The following PAK3 variants were observed in gnomAD, a reference collection of about 807,000 sequenced individuals.
PAK3 encodes serine/threonine-protein kinase PAK 3.
In PAK3, 4 loss-of-function variants were observed where a neutral mutation model predicts 41.0. That is an observed-to-expected ratio of 0.10 (90% CI 0.05 to 0.22). PAK3 has a LOEUF of 0.22. Ranked by LOEUF, PAK3 falls within the 10% of genes least tolerant of loss-of-function variation. PAK3 has a pLI of 1.00. For synonymous variants in PAK3, 146 were observed against 139.6 expected, an observed-to-expected ratio of 1.05 and a Z score of -0.32; for missense variants, 205 against 409.9, an observed-to-expected ratio of 0.50 and a Z score of 4.32.
intron 1 of PAK3, among the ~76,000 whole-genome samples, chrX:111,007,160 C>A (rs1020461806): frequency 9.1e-6 from 1 of 110,278 alleles, no homozygotes; most frequent in Non-Finnish European, 1.9e-5. Flanking sequence ...AAGAAAAATT[C>A]TCTAAGTGGA....
chrX:111,193,788 C>CA (rs763041862), intron 13 of PAK3, among the ~76,000 whole-genome samples: 128 of 109,177 alleles, frequency 1.2e-3, no homozygotes, highest in African/African-American at 1.4e-3. Context: ...CAAAAAAAAA[C>CA]AAAAAAAACA....
chrX:111,121,464 A>G (rs1016859879), intron 4 of PAK3, among the ~76,000 whole-genome samples: 1 of 112,055 alleles, frequency 8.9e-6, no homozygotes, highest in East Asian at 2.8e-4. Context: ...AAAATTTTTA[A>G]AATTCTCTAC....
intron 1 of PAK3, among the ~76,000 whole-genome samples, chrX:110,974,707 C>G (rs1007322154): frequency 1.8e-5 from 2 of 111,745 alleles, no homozygotes; most frequent in African/African-American, 6.5e-5. Flanking sequence ...TGCGAAAATC[C>G]TCAATAAAAT....
chrX:111,195,904 C>A lies in PAK3; in HGVS notation c.1173C>A (p.Asp391Glu). ...NQVIHRDIKS[D>E]NILLGMDGSV... Reference sequence around the variant, plus strand: ...TGATCCATAGAGATATAAAGAGTGACAATATTCTTCTCGGGATGGATGGCT... The same window carrying A: ...TGATCCATAGAGATATAAAGAGTGAAAATATTCTTCTCGGGATGGATGGCT... Residue 391 changes from aspartate to glutamate, a missense_variant, in exon 15 of 18, where the codon GAC (aspartate) becomes GAA (glutamate). Around this residue, in one of 5 missense-constraint regions of PAK3, gnomAD observed 42 missense variants for 152.7 expected, o/e 0.28. Coordinates refer to ENST00000372007, the MANE Select transcript of PAK3 (RefSeq NM_002578.5). The A allele has an allele frequency of 8.5e-7, 1 of 1,176,918 alleles. No individual in the cohort carries two copies.
At chrX:111,116,725 A>G (rs1450973205) in intron 4 of PAK3, among the ~76,000 whole-genome samples, 1 of 112,159 alleles carries the variant, frequency 8.9e-6, no homozygotes, top group Non-Finnish European at 1.9e-5. Context: ...AGACAACAAT[A>G]CTACAGCAGA....
rs138872437 is a variant in PAK3, at chrX:111,198,638, G to T, written c.1407+1998G>T. On this transcript the variant is annotated intron_variant, in intron 16 of 17. Coordinates refer to ENST00000372007, the MANE Select transcript of PAK3 (RefSeq NM_002578.5). The stretch of plus-strand genomic sequence containing the variant: ...TTTGTCAAAAATCAGGTGGTTGTGG[G>T]TGTGTGACTTTATTTCCGGGTTCTC... 7.4e-3 allele frequency among the ~76,000 whole-genome samples: 826 copies of T among 111,194 alleles called. 5 individuals carry two copies. Among genetic ancestry groups the T allele is most frequent in the African/African-American group, 0.025 (771 of 30,600 alleles).
intron 1 of PAK3, among the ~76,000 whole-genome samples, chrX:110,993,816 G>T (rs915112404): frequency 4.5e-5 from 5 of 111,459 alleles, no homozygotes; most frequent in African/African-American, 1.6e-4. Flanking sequence ...GCATACATAA[G>T]TATACAAAAT....
chrX:110,973,312 G>A (rs1388614800), intron 1 of PAK3, among the ~76,000 whole-genome samples: 1 of 111,986 alleles, frequency 8.9e-6, no homozygotes, highest in East Asian at 2.8e-4. Context: ...GGTAGCCAAA[G>A]AGAAAGGTCG....
rs778810109 is a variant in PAK3 at position 111,004,380 on chromosome X, T to C, written c.-28+59752T>C. 1.5e-3 allele frequency among the ~76,000 whole-genome samples: 163 copies of C among 112,155 alleles called. 1 individual carries two copies. Among genetic ancestry groups the C allele is most frequent in the Non-Finnish European group, 2.2e-3 (119 of 53,214 alleles). On this transcript the variant is annotated intron_variant, in intron 1 of 14. Coordinates refer to the PAK3 transcript ENST00000425146. ...ATCAGGTTCAGAGGAGAGATATTTG[T>C]GTGAGTGTATGTCTGAACTATACTG...
chrX:110,994,332 T>C (rs980459532), intron 1 of PAK3, among the ~76,000 whole-genome samples: 2 of 111,790 alleles, frequency 1.8e-5, no homozygotes, highest in African/African-American at 3.3e-5. Context: ...TGAAAATCTA[T>C]ACTTGCCCTA....
intron 16 of PAK3, among the ~76,000 whole-genome samples, chrX:111,210,718 C>T (rs1306650289): frequency 8.9e-6 from 1 of 112,007 alleles, no homozygotes; most frequent in Non-Finnish European, 1.9e-5. Flanking sequence ...CAGCTGCTAC[C>T]TTCCATGGGC....
intron 6 of PAK3, among the ~76,000 whole-genome samples, chrX:111,145,897 A>G (rs1326301811): frequency 8.9e-6 from 1 of 111,961 alleles, no homozygotes; most frequent in Admixed American, 9.5e-5. Context: ...GAAACTTAAC[A>G]TATAGAGTCT....
intron 1 of PAK3, among the ~76,000 whole-genome samples, chrX:110,968,317 A>G (rs1038849820): frequency 8.9e-6 from 1 of 112,656 alleles, no homozygotes; most frequent in African/African-American, 3.2e-5. Context: ...TGTGTGGACA[A>G]AAGCTTTCAT....
chrX:111,206,473 T>C (rs922178299), intron 16 of PAK3, among the ~76,000 whole-genome samples: 2 of 112,110 alleles, frequency 1.8e-5, no homozygotes, highest in African/African-American at 6.5e-5. Flanking sequence ...ATGGCATTGG[T>C]CAGTCCTTTG....
At chrX:110,971,424 T>G (rs1262280682) in intron 1 of PAK3, among the ~76,000 whole-genome samples, 2 of 112,566 alleles carry the variant, frequency 1.8e-5, no homozygotes, top group African/African-American at 3.2e-5. Flanking sequence ...AGTATTTCAG[T>G]TATTTTTATT....
chrX:111,162,097 T>A (rs1299549566), intron 8 of PAK3, among the ~76,000 whole-genome samples: 2 of 111,296 alleles, frequency 1.8e-5, no homozygotes, highest in Admixed American at 9.6e-5. Flanking sequence ...AAATTTGCAT[T>A]TCTAACAAGT....
intron 1 of PAK3, among the ~76,000 whole-genome samples, chrX:111,005,287 T>C (rs1342396108): frequency 5.4e-5 from 6 of 111,338 alleles, no homozygotes; most frequent in African/African-American, 2.0e-4. Flanking sequence ...TGAGAAACAG[T>C]GCTGCACCCA....
intron 1 of PAK3, among the ~76,000 whole-genome samples, chrX:111,027,917 G>A (rs887675268): frequency 6.5e-5 from 7 of 107,922 alleles, no homozygotes; most frequent in Admixed American, 2.0e-4. Context: ...GGAAGCAGCC[G>A]AAATGCCCAT....
Position 110,952,023 on chromosome X carries a change from C to A in PAK3, c.-28+7395C>A, listed in dbSNP as rs2090754650. ...TTAACTTGGCTTCCTGCAAAGAGGACAAGTTTGAGGTCCTCCCATGAGAAG... is the reference window on the plus strand; with the variant it reads ...TTAACTTGGCTTCCTGCAAAGAGGAAAAGTTTGAGGTCCTCCCATGAGAAG... On this transcript the variant is annotated intron_variant, in intron 1 of 14. Coordinates refer to the PAK3 transcript ENST00000425146. Among the ~76,000 whole-genome samples the A allele has an allele frequency of 1.8e-5, 2 of 112,204 alleles. 1 individual carries two copies. The highest frequency in any genetic ancestry group is 6.5e-5 in the African/African-American group (2 of 30,858).
Sources: allele counts gnomAD v4.1 joint callset (sites outside exome capture counted in the v4.1 genomes callset), GRCh38; gene constraint gnomAD v4.1.1; regional missense constraint gnomAD v4.1.1; transcripts MANE v1.5; gene names NCBI Gene and HGNC (gene_info 2026-07-23, HGNC 2026-07-21).